NLRP7: variants seen among roughly 807,000 people sequenced by gnomAD.
NLRP7 encodes NACHT, LRR and PYD domains-containing protein 7.
In NLRP7, 72 loss-of-function variants were observed where a neutral mutation model predicts 85.5. That is an observed-to-expected ratio of 0.84 (90% CI 0.70 to 1.02). NLRP7 has a LOEUF of 1.02. Ranked by LOEUF, NLRP7 falls within the 50% of genes least tolerant of loss-of-function variation. The probability of loss-of-function intolerance (pLI) is 0.00; values close to 1 mark genes in which losing one functional copy is unlikely to be tolerated. For missense variants in NLRP7, 1,243 were observed against 1,219.5 expected (o/e 1.02, Z -0.29); for synonymous variants, 550 against 505.2 (o/e 1.09, Z -1.19).
Position 54,938,078 on chromosome 19 carries a change from C to A in NLRP7, c.2095G>T (p.Val699Leu). 1 of 1,614,020 alleles carries A rather than the reference C, an allele frequency of 6.2e-7. No homozygotes were observed. The highest frequency in any genetic ancestry group is 1.1e-5 in the South Asian group (1 of 91,066). ...TGCAGATGACAGGTGCTACGGGTTA[C>A]GTGGTCACAAAGAATCCGCACAGAA... The change falls in exon 5 of 10, where the codon GTA becomes TTA. Residue 699 changes from valine to leucine, a missense_variant. By Grantham distance (32) the Val-to-Leu change is conservative. This residue lies in a region of NLRP7 where 613 missense variants were observed against 588.4 expected (regional missense o/e 1.04). Coordinates refer to ENST00000340844, the Ensembl canonical transcript of NLRP7.
rs533225744 is a variant in NLRP7, at chr19:54,934,333, C to T, written c.2471+156G>A. 1.3e-5 allele frequency among the ~76,000 whole-genome samples: 2 copies of T among 152,216 alleles called. No individual in the cohort carries two copies. Among genetic ancestry groups the T allele is most frequent in the Middle Eastern group, 6.8e-3 (2 of 294 alleles). On this transcript the variant is annotated intron_variant, in intron 7 of 9. Transcript: ENST00000340844. The surrounding 1 kb of genome is among the most constrained non-coding windows in gnomAD (Gnocchi z 6.7). ...CTCAGATGATCCGCCCACCTCTCTG[C>T]TGAGATTACAGGCAGGAGCCACCGT...
exon 2 of NLRP7, chr19:54,941,629 A>T (rs1322082394): frequency 3.1e-6 from 5 of 1,614,114 alleles, no homozygotes; most frequent in Non-Finnish European, 4.2e-6. Context: ...AGCCCATAAA[A>T]GGGATTTGAA....
At chr19:54,939,278 T>C in exon 4 of NLRP7, 2 of 1,614,072 alleles carry the variant, frequency 1.2e-6, no homozygotes, top group Non-Finnish European at 1.7e-6. Context: ...TTGAATCAGG[T>C]CGGGGTTCTT....
At chr19:54,947,431 G>A (rs764700150) in intron 1 of NLRP7, 38 bp downstream of exon 1, 21 of 1,281,914 alleles carry the variant, frequency 1.6e-5, no homozygotes, top group African/African-American at 3.0e-5. Context: ...TCCCTTAAAC[G>A]AGAAGACAAA....
exon 5 of NLRP7, chr19:54,938,185 A>G (rs1476971174): frequency 1.9e-6 from 3 of 1,613,944 alleles, no homozygotes; most frequent in African/African-American, 2.7e-5. Flanking sequence ...ATCTGTCCAG[A>G]GGCGAAGAGA....
At chr19:54,956,537 T>A (rs1332714736) in intron 1 of NLRP7, among the ~76,000 whole-genome samples, 2 of 144,588 alleles carry the variant, frequency 1.4e-5, no homozygotes, top group Admixed American at 6.8e-5. Context: ...TAAAAAAAAA[T>A]ACAAAAATTA....
chr19:54,949,701 A>C (rs1488015227), upstream of NLRP7, among the ~76,000 whole-genome samples: 1 of 152,098 alleles, frequency 6.6e-6, no homozygotes, highest in Non-Finnish European at 1.5e-5. Flanking sequence ...CCCAGGCTCC[A>C]AGTGGCCTCC....
At chr19:54,958,575 G>A (rs2069933491) in intron 1 of NLRP7, among the ~76,000 whole-genome samples, 1 of 152,010 alleles carries the variant, frequency 6.6e-6, no homozygotes, top group African/African-American at 2.4e-5. Context: ...AACCCGGGAG[G>A]CAAAGGTTGC....
In NLRP7 at chr19:54,953,876, G is replaced by A. The variant is rs563447646; in HGVS notation, c.-76-6371C>T. Among the ~76,000 whole-genome samples the A allele has an allele frequency of 2.2e-3, 329 of 151,684 alleles. 1 individual carries two copies. The highest frequency in any genetic ancestry group is 3.9e-3 in the Non-Finnish European group (263 of 67,902). On this transcript the variant is annotated intron_variant, in intron 1 of 2. Coordinates refer to the NLRP7 transcript ENST00000587103. ...CAAAAAATTAGCTGGGCGTGGTGGC[G>A]GGCGCCTGTAGTCCCAGCTACTCGG...
chr19:54,955,185 T>C (rs2069811639), intron 1 of NLRP7, among the ~76,000 whole-genome samples: 1 of 151,188 alleles, frequency 6.6e-6, no homozygotes, highest in Non-Finnish European at 1.5e-5. Context: ...AAAAATTAGC[T>C]GGGTGTGGTG....
intron 1 of NLRP7, among the ~76,000 whole-genome samples, chr19:54,960,840 T>C (rs973165858): frequency 2.0e-5 from 3 of 150,610 alleles, no homozygotes; most frequent in African/African-American, 7.3e-5. Flanking sequence ...CGTGATCCGC[T>C]TGCCTCGGCC....
chr19:54,935,465 A>G (rs1284910308), intron 6 of NLRP7, among the ~76,000 whole-genome samples: 1 of 152,012 alleles, frequency 6.6e-6, no homozygotes, highest in African/African-American at 2.4e-5. Flanking sequence ...GGAGGCCGAG[A>G]CAGGCGGATC....
chr19:54,953,592 G>C (rs544881976), intron 1 of NLRP7, among the ~76,000 whole-genome samples: 2 of 149,236 alleles, frequency 1.3e-5, no homozygotes, highest in Non-Finnish European at 2.9e-5. Context: ...TTCCTGGGGC[G>C]CGGGGCTGTC....
At chr19:54,938,726 A>T (rs2069056534) in intron 4 of NLRP7, among the ~76,000 whole-genome samples, 162 bp downstream of exon 4, 1 of 152,246 alleles carries the variant, frequency 6.6e-6, no homozygotes, top group African/African-American at 2.4e-5. Context: ...ACTCCGTCTC[A>T]AAAATAAAAA....
intron 1 of NLRP7, among the ~76,000 whole-genome samples, chr19:54,964,822 T>A (rs1316859054): frequency 7.8e-6 from 1 of 128,686 alleles, no homozygotes; most frequent in Non-Finnish European, 1.7e-5. Context: ...CAAGACTCCA[T>A]TAAAAATAAA....
rs111877369 is a variant in NLRP7, at chr19:54,964,202, T to A, written c.-77+1838A>T. On this transcript the variant is annotated intron_variant, in intron 1 of 2. Transcript: ENST00000587103. ...CCAAAACCCAACTTTTTAGTCTTAT[T>A]TATATGGTGTTTTTTTTTTTTTTTT... Among the ~76,000 whole-genome samples the A allele has an allele frequency of 6.6e-3, 796 of 121,040 alleles. 11 individuals carry two copies. The highest frequency in any genetic ancestry group is 0.023 in the African/African-American group (758 of 32,326). The allele number at this position is 121,040 out of a possible 152,430, so 79.4% of individuals were successfully genotyped here.
At chr19:54,936,198 T>C in intron 6 of NLRP7, 63 bp downstream of exon 6, 1 of 1,460,350 alleles carries the variant, frequency 6.8e-7, no homozygotes, top group Non-Finnish European at 9.6e-7. Flanking sequence ...TTTTCCTAGA[T>C]CCCCCAGCAA....
intron 1 of NLRP7, among the ~76,000 whole-genome samples, chr19:54,945,248 A>T (rs2069416809): frequency 6.6e-6 from 1 of 150,626 alleles, no homozygotes; most frequent in Non-Finnish European, 1.5e-5. Flanking sequence ...CAAAAAAAAA[A>T]AAAAAAAGAA....
intron 1 of NLRP7, among the ~76,000 whole-genome samples, chr19:54,946,496 ACTT>A (rs1430715985): frequency 1.4e-3 from 197 of 143,772 alleles, no homozygotes; most frequent in African/African-American, 4.9e-3. Context: ...CGCCCAGCCT[ACTT>A]TTTTTTTTTT....
Sources: gnomAD v4.1 joint callset for allele counts (sites outside exome capture counted in the v4.1 genomes callset) on GRCh38, gnomAD v4.1.1 for gene constraint, gnomAD v4.1.1 regional missense constraint, Gnocchi (gnomAD v3.1) non-coding constraint, MANE v1.5 for transcripts, NCBI Gene and HGNC (gene_info 2026-07-23, HGNC 2026-07-21) for gene names.